The following PRH2 variants were observed in gnomAD, a reference collection of about 807,000 sequenced individuals.
PRH2 encodes the protein salivary acidic proline-rich phosphoprotein 1/2.
A neutral mutation model predicts 22.6 loss-of-function variants in PRH2; 19 were observed. That is an observed-to-expected ratio of 0.84 (90% CI 0.59 to 1.23). PRH2 has a LOEUF of 1.23. PRH2 is among the 50% of genes most tolerant of loss of function. The pLI is 0.00. For missense variants in PRH2, 109 were observed against 203.0 expected, an observed-to-expected ratio of 0.54 and a Z score of 2.81; for synonymous variants, 45 against 72.0, an observed-to-expected ratio of 0.63 and a Z score of 1.90.
Position 10,930,979 on chromosome 12 carries a change from C to T in PRH2, c.418C>T (p.Pro140Ser). 6.3e-7 allele frequency: 1 copy of T among 1,597,004 alleles called. No individual in the cohort carries two copies. The highest frequency in any genetic ancestry group is 8.5e-7 in the Non-Finnish European group (1 of 1,171,862). Residue 140 changes from proline (P) to serine (S), a missense_variant, in exon 3 of 4, where the codon CCA (proline) becomes TCA (serine). Transcript: ENST00000396400. ...GGGAGGCCATCAGCAAGGTCCTCCC[C>T]CACCTCCTCCTGGAAAGCCCCAGGG... Reference protein sequence around the residue: ...QQGGHQQGPPPPPPGKPQGPP... With the variant: ...QQGGHQQGPPSPPPGKPQGPP...
At chr12:10,930,122 C>T in intron 1 of PRH2, 147 bp from the exon 2 acceptor site, 2 of 956,516 alleles carry the variant, frequency 2.1e-6, no homozygotes, top group Non-Finnish European at 3.3e-6. Flanking sequence ...CATCTTCTTC[C>T]ACTTCCGGTA....
At chr12:10,931,276 T>C in intron 3 of PRH2, 196 bp downstream of exon 3, 1 of 1,181,038 alleles carries the variant, frequency 8.5e-7, no homozygotes, top group South Asian at 1.6e-5. Flanking sequence ...AATTCCAATT[T>C]TGAGAATCAC....
At chr12:10,929,798 G>A (rs1240144204) in intron 1 of PRH2, among the ~76,000 whole-genome samples, 1 of 152,188 alleles carries the variant, frequency 6.6e-6, no homozygotes, top group Non-Finnish European at 1.5e-5. Context: ...TAGAGTTAGA[G>A]AATCACCAGA....
Position 10,932,374 on chromosome 12 carries a change from C to T in PRH2, c.*167C>T. 1 of 258,324 alleles carries T rather than the reference C, an allele frequency of 3.9e-6. No homozygotes were observed. The highest frequency in any genetic ancestry group is 3.9e-5 in the South Asian group (1 of 25,932). The allele number at this position is 258,324 out of a possible 1,614,324, so 16.0% of individuals were successfully genotyped here. A position where few individuals can be genotyped will look rare whatever the true frequency, so the allele number is the denominator to read the frequency against. ...GTTTGGGACTCTGGAATCTGAGACC[C>T]ATGTTCACATTGTAAGAACATCCAG... is the stretch of plus-strand genomic sequence containing the variant. On this transcript the variant is annotated 3_prime_UTR_variant, in exon 4 of 4. Coordinates refer to ENST00000396400, the MANE Select transcript of PRH2 (RefSeq NM_001110213.1).
chr12:10,929,328 T>C lies in PRH2; in HGVS notation c.55T>C (p.Leu19=). 1 of 1,614,076 alleles carries C rather than the reference T, an allele frequency of 6.2e-7. No individual in the cohort carries two copies. ...ALLAFSSAQD[L]DEDVSQEDVP... Reference sequence around the variant, plus strand: ...GCTGGCCTTCAGCTCAGCTCAGGACTTAGATGAAGGTAAGCCGAATTGGGG... The same window carrying C: ...GCTGGCCTTCAGCTCAGCTCAGGACCTAGATGAAGGTAAGCCGAATTGGGG... The change falls in exon 1 of 4, where the codon TTA becomes CTA. Residue 19 remains leucine, a synonymous_variant. Transcript: ENST00000396400.
At position 10,933,552 on chromosome 12, in the gene PRH2, T is replaced by A. The variant is rs1950243479; in HGVS notation, c.*1345T>A. 6.6e-6 allele frequency among the ~76,000 whole-genome samples: 1 copy of A among 152,016 alleles called. No individual in the cohort carries two copies. Among genetic ancestry groups the A allele is most frequent in the South Asian group, 2.1e-4 (1 of 4,828 alleles). On this transcript the variant is annotated 3_prime_UTR_variant, in exon 4 of 4. Coordinates refer to ENST00000396400, the MANE Select transcript of PRH2 (RefSeq NM_001110213.1). Reference sequence around the variant, plus strand: ...GACCAAGCAGACTTGATTCCAGGAATGTTAAGGAATGTTCATTATTTGTTT... The same window carrying A: ...GACCAAGCAGACTTGATTCCAGGAAAGTTAAGGAATGTTCATTATTTGTTT...
Position 10,930,940 on chromosome 12 carries a change from G to A in PRH2, c.379G>A (p.Gly127Arg), listed in dbSNP as rs1950200678. 3.1e-6 allele frequency: 5 copies of A among 1,606,376 alleles called. No individual in the cohort carries two copies. The Admixed American group carries it at 5.1e-5, about 16-fold the overall frequency. ...CCGTCCTCCTCGAGGAAGGCCACAA[G>A]GACCACCCCAACAGGGAGGCCATCA... is the stretch of plus-strand genomic sequence containing the variant. ...HPRPPRGRPQGPPQQGGHQQG... is the reference protein window; with the variant it reads ...HPRPPRGRPQRPPQQGGHQQG... The change falls in exon 3 of 4, where the codon GGA becomes AGA. Residue 127 changes from glycine (G) to arginine (R), a missense_variant. By Grantham distance (125) the Gly-to-Arg change is moderately radical. Transcript: ENST00000396400.
chr12:10,932,326 G>C lies in PRH2; in HGVS notation c.*119G>C, dbSNP rs1950225770. On this transcript the variant is annotated 3_prime_UTR_variant, in exon 4 of 4. Transcript: ENST00000396400. ...ATAAAATAATCAGCTTGCAATTTCT[G>C]ATTATAGCATCTCCTTCTGAGTGTT... The C allele has an allele frequency of 2.9e-6, 1 of 348,392 alleles. No homozygotes were observed. Among genetic ancestry groups the C allele is most frequent in the African/African-American group, 2.1e-5 (1 of 48,648 alleles). The allele number at this position is 348,392 out of a possible 1,614,324, so 21.6% of individuals were successfully genotyped here. A position where few individuals can be genotyped will look rare whatever the true frequency, so the allele number is the denominator to read the frequency against.
chr12:10,929,793 T>TTA (rs1325744568), intron 1 of PRH2, among the ~76,000 whole-genome samples: 1 of 152,110 alleles, frequency 6.6e-6, no homozygotes, highest in African/African-American at 2.4e-5. Flanking sequence ...CTACATAGAG[T>TTA]TAGAGAATCA....
rs1333642357 is a variant in PRH2 at position 10,933,377 on chromosome 12, T to A, written c.*1170T>A. On this transcript the variant is annotated 3_prime_UTR_variant, in exon 4 of 4. Transcript: ENST00000396400. ...GATTCCTCATTAACAGGCAGTCCTTTAGTATGCTGATTTATACAAAATGCT... is the reference window on the plus strand; with the variant it reads ...GATTCCTCATTAACAGGCAGTCCTTAAGTATGCTGATTTATACAAAATGCT... 6.6e-6 allele frequency among the ~76,000 whole-genome samples: 1 copy of A among 152,074 alleles called. No homozygotes were observed. Among genetic ancestry groups the A allele is most frequent in the Admixed American group, 6.5e-5 (1 of 15,268 alleles).
chr12:10,932,140 A>G, intron 3 of PRH2, 86 bp from the exon 4 acceptor site: 1 of 368,788 alleles, frequency 2.7e-6, no homozygotes, highest in Non-Finnish European at 6.0e-6. Flanking sequence ...ATGGTTTTGC[A>G]TCTTCCTCAC....
intron 2 of PRH2, 74 bp downstream of exon 2, chr12:10,930,378 T>G: frequency 2.6e-6 from 4 of 1,554,904 alleles, no homozygotes; most frequent in Non-Finnish European, 8.9e-7. Context: ...TCCAGTGTCT[T>G]CTTATCATCC....
rs1342192517 is a variant in PRH2, at chr12:10,929,245, T to G, written c.-29T>G. On this transcript the variant is annotated 5_prime_UTR_variant, in exon 1 of 4. Coordinates refer to ENST00000396400, the MANE Select transcript of PRH2 (RefSeq NM_001110213.1). ...CTGACACGTTTCTCCCAGCATAAAG[T>G]TGGGAGTGACACCAGAGCCTTCTGC... 4 of 1,613,930 alleles carry G rather than the reference T, an allele frequency of 2.5e-6. No homozygotes were observed. Among genetic ancestry groups the G allele is most frequent in the East Asian group, 2.2e-5 (1 of 44,868 alleles).
chr12:10,932,152 G>T (rs780054142), intron 3 of PRH2, 74 bp from the exon 4 acceptor site: 8 of 389,110 alleles, frequency 2.1e-5, no homozygotes, highest in South Asian at 1.4e-4. Flanking sequence ...CTTCCTCACC[G>T]CAGTAAACCA....
chr12:10,930,919 C>T lies in PRH2; in HGVS notation c.358C>T (p.Pro120Ser). 1 of 1,608,432 alleles carries T rather than the reference C, an allele frequency of 6.2e-7. No individual in the cohort carries two copies. The highest frequency in any genetic ancestry group is 8.5e-7 in the Non-Finnish European group (1 of 1,177,460). The change falls in exon 3 of 4, where the codon CCT (proline) becomes TCT (serine). Residue 120 changes from proline to serine, a missense_variant. Physicochemically the swap from Pro to Ser is moderately conservative, Grantham distance 74. Transcript: ENST00000396400. ...GPPQQGGHPR[P>S]PRGRPQGPPQ... is the part of the protein sequence containing the mutation. ...ACCCCAACAGGGAGGCCATCCCCGT[C>T]CTCCTCGAGGAAGGCCACAAGGACC...
Position 10,932,712 on chromosome 12 carries a change from C to T in PRH2, c.*505C>T, listed in dbSNP as rs1399430795. 1.3e-5 allele frequency among the ~76,000 whole-genome samples: 2 copies of T among 151,954 alleles called. No individual in the cohort carries two copies. Among genetic ancestry groups the T allele is most frequent in the African/African-American group, 4.8e-5 (2 of 41,366 alleles). ...CCCAGAAGCCACTAGACCTATTTTCCCCTATTTTATCACTGATCAGTTCTG... is the reference window on the plus strand; with the variant it reads ...CCCAGAAGCCACTAGACCTATTTTCTCCTATTTTATCACTGATCAGTTCTG... On this transcript the variant is annotated 3_prime_UTR_variant, in exon 4 of 4. Coordinates refer to ENST00000396400, the MANE Select transcript of PRH2 (RefSeq NM_001110213.1).
rs373849250 is a variant in PRH2 at position 10,930,680 on chromosome 12, A to G, written c.119A>G (p.Gln40Arg). 1.2e-6 allele frequency: 2 copies of G among 1,613,800 alleles called. No individual in the cohort carries two copies. Among genetic ancestry groups the G allele is most frequent in the African/African-American group, 2.7e-5 (2 of 74,884 alleles). ...LVISDGGDSE[Q>R]FIDEERQGPP... Reference sequence around the variant, plus strand: ...CACACAGATGGAGGAGACTCTGAGCAGTTCATAGATGAGGAGCGTCAGGGA... The same window carrying G: ...CACACAGATGGAGGAGACTCTGAGCGGTTCATAGATGAGGAGCGTCAGGGA... Residue 40 changes from glutamine to arginine, a missense_variant, in exon 3 of 4, where the codon CAG (glutamine) becomes CGG (arginine). This residue lies in a region of PRH2 where 54 missense variants were observed against 60.5 expected (regional missense o/e 0.89). Coordinates refer to ENST00000396400, the MANE Select transcript of PRH2 (RefSeq NM_001110213.1).
rs1950252329 is a variant in PRH2, at chr12:10,934,126, C to T, written c.*1919C>T. 6.6e-6 allele frequency among the ~76,000 whole-genome samples: 1 copy of T among 152,192 alleles called. No individual in the cohort carries two copies. Among genetic ancestry groups the T allele is most frequent in the South Asian group, 2.1e-4 (1 of 4,818 alleles). ...CAAAGGAACCAAAAGGCCTAGTCTT[C>T]GAATTTTTAATGCCATTGTGATAGC... On this transcript the variant is annotated 3_prime_UTR_variant, in exon 4 of 4. Coordinates refer to ENST00000396400, the MANE Select transcript of PRH2 (RefSeq NM_001110213.1).
rs1389606950 is a variant in PRH2 at position 10,931,075 on chromosome 12, T to C, written c.*13T>C. 1 of 1,549,854 alleles carries C rather than the reference T, an allele frequency of 6.5e-7. No individual in the cohort carries two copies. The highest frequency in any genetic ancestry group is 2.2e-5 in the East Asian group (1 of 44,664). On this transcript the variant is annotated 3_prime_UTR_variant, in exon 3 of 4. Transcript: ENST00000396400. The stretch of plus-strand genomic sequence containing the variant: ...GTCTCCTCAGTAATCTAGGATTCAA[T>C]GATAGGTATGATTCCAGTTTATTAT...
Sources: gnomAD v4.1 joint callset for allele counts (sites outside exome capture counted in the v4.1 genomes callset) on GRCh38, gnomAD v4.1.1 for gene constraint, gnomAD v4.1.1 regional missense constraint, MANE v1.5 for transcripts, NCBI Gene and HGNC (gene_info 2026-07-23, HGNC 2026-07-21) for gene names.